Variants in C1QTNF5 observed in about 807,000 individuals in gnomAD.
C1QTNF5 encodes complement C1q tumor necrosis factor-related protein 5.
In C1QTNF5, 5 loss-of-function variants were observed where a neutral mutation model predicts 10.9. That is an observed-to-expected ratio of 0.46 (90% CI 0.24 to 0.97). The LOEUF is 0.97. Ranked by LOEUF, C1QTNF5 falls within the 50% of genes least tolerant of loss-of-function variation. C1QTNF5 has a pLI of 0.19. For synonymous variants in C1QTNF5, 161 were observed against 156.5 expected (o/e 1.03, Z -0.22); for missense variants, 281 against 339.4 (o/e 0.83, Z 1.35).
upstream of C1QTNF5, chr11:119,344,795 C>T: frequency 6.2e-7 from 1 of 1,613,734 alleles, no homozygotes; most frequent in Non-Finnish European, 8.5e-7. Context: ...GGCCCGGAGT[C>T]TCCACCCCTT....
upstream of C1QTNF5, chr11:119,341,647 G>C (rs1419850621): frequency 6.2e-7 from 1 of 1,612,906 alleles, no homozygotes; most frequent in East Asian, 2.2e-5. Flanking sequence ...ACTGGCACTG[G>C]TGCTCCGCTT....
At chr11:119,344,638 A>G (rs1950540699), upstream of C1QTNF5, 2 of 1,613,896 alleles carry the variant, frequency 1.2e-6, no homozygotes, top group Non-Finnish European at 1.7e-6. Context: ...GTACCCGAGA[A>G]CTTGGCACTG....
chr11:119,341,675 C>T, upstream of C1QTNF5: 1 of 1,613,092 alleles, frequency 6.2e-7, no homozygotes, highest in Non-Finnish European at 8.5e-7. Context: ...GACAGAGCGG[C>T]AAGGGGGCAG....
chr11:119,346,215 T>C, the C1QTNF5 span: 1 of 1,568,928 alleles, frequency 6.4e-7, no homozygotes, highest in Non-Finnish European at 8.7e-7. Flanking sequence ...TTCCTCATGC[T>C]GTCCTTGGCT....
chr11:119,342,240 G>A (rs77169049), upstream of C1QTNF5, among the ~76,000 whole-genome samples: 517 of 152,308 alleles, frequency 3.4e-3, 6 homozygotes, highest in African/African-American at 0.012. Context: ...TGGGGCACCC[G>A]CGTTTGCAGG....
upstream of C1QTNF5, chr11:119,344,954 A>G: frequency 1.2e-6 from 2 of 1,610,018 alleles, no homozygotes; most frequent in Non-Finnish European, 1.7e-6. Flanking sequence ...GACCACCAGG[A>G]GGTGGCTGGC....
At chr11:119,343,932 T>C (rs762880760), upstream of C1QTNF5, 5 of 1,613,680 alleles carry the variant, frequency 3.1e-6, no homozygotes. Flanking sequence ...CTATGCTGTG[T>C]CCGGCAGGCA....
At chr11:119,346,694 C>T in the C1QTNF5 span, 8 of 672,938 alleles carry the variant, frequency 1.2e-5, no homozygotes, top group Non-Finnish European at 2.2e-5. Flanking sequence ...ATGGGCTACT[C>T]TGTCTCTGTG....
chr11:119,344,260 G>T (rs1565294298), upstream of C1QTNF5: 1 of 1,513,544 alleles, frequency 6.6e-7, no homozygotes, highest in Non-Finnish European at 9.2e-7. Flanking sequence ...ACTAACTTGG[G>T]GATCAGGTGC....
chr11:119,345,567 G>T (rs369566448), upstream of C1QTNF5: 1 of 1,614,048 alleles, frequency 6.2e-7, no homozygotes, highest in Non-Finnish European at 8.5e-7. Flanking sequence ...GGTGTTGGGG[G>T]GGTAAGGGTC....
upstream of C1QTNF5, chr11:119,345,828 T>C (rs760853152): frequency 6.8e-6 from 11 of 1,613,774 alleles, no homozygotes; most frequent in East Asian, 2.5e-4. Flanking sequence ...GGGTCCCAGC[T>C]GCCTGAGAGG....
Position 119,339,080 on chromosome 11 carries a change from G to GACTT in C1QTNF5, c.*247_*250dup, listed in dbSNP as rs1386023426. On this transcript the variant is annotated 3_prime_UTR_variant, in exon 3 of 3. Transcript: ENST00000528368. The surrounding 1 kb of genome is among the most constrained non-coding windows in gnomAD (Gnocchi z 5.4). ...GGCTCCTGGACCAGAGCAACTGGGG[G>GACTT]ACTTACACTTGCCAGCACAGCACAC... 2.0e-6 allele frequency: 1 copy of GACTT among 491,240 alleles called. No individual in the cohort carries two copies. The highest frequency in any genetic ancestry group is 1.9e-5 in the African/African-American group (1 of 52,114). The allele number at this position is 491,240 out of a possible 1,614,324, so 30.4% of individuals were successfully genotyped here.
upstream of C1QTNF5, chr11:119,344,857 G>A: frequency 6.2e-7 from 1 of 1,613,410 alleles, no homozygotes; most frequent in Non-Finnish European, 8.5e-7. Flanking sequence ...TCAACAGGCA[G>A]GTGGGAACAC....
chr11:119,345,061 G>C (rs954241305), upstream of C1QTNF5: 25 of 1,575,528 alleles, frequency 1.6e-5, no homozygotes, highest in Non-Finnish European at 1.7e-5. Context: ...CAGCCAGAGA[G>C]GAGCTTGCCT....
upstream of C1QTNF5, chr11:119,344,928 T>C (rs1295144314): frequency 6.2e-7 from 1 of 1,611,676 alleles, no homozygotes; most frequent in Non-Finnish European, 8.5e-7. Context: ...CCTTCCACAC[T>C]GCTGTCAGAG....
chr11:119,344,614 C>G (rs747092151), upstream of C1QTNF5: 64 of 1,613,826 alleles, frequency 4.0e-5, no homozygotes, highest in Non-Finnish European at 5.0e-5. Flanking sequence ...AGAGAGGACC[C>G]CCATGCCTGG....
rs949535828 is a variant in C1QTNF5, at chr11:119,340,559, G to T, written c.-43-119C>A. On this transcript the variant is annotated intron_variant, in intron 1 of 2. Coordinates refer to ENST00000528368, the MANE Select transcript of C1QTNF5 (RefSeq NM_001278431.2). Reference sequence around the variant, plus strand: ...GCCGTGCCCCTGAGGCTGAGCGCTCGCAGGGCCGAGCATCCGGAGAGCACA... The same window carrying T: ...GCCGTGCCCCTGAGGCTGAGCGCTCTCAGGGCCGAGCATCCGGAGAGCACA... 3 of 703,722 alleles carry T rather than the reference G, an allele frequency of 4.3e-6. No individual in the cohort carries two copies. The East Asian group carries it at 9.4e-5, about 22-fold the overall frequency. The allele number at this position is 703,722 out of a possible 1,614,324, so 43.6% of individuals were successfully genotyped here.
upstream of C1QTNF5, chr11:119,342,742 G>A: frequency 1.9e-6 from 3 of 1,613,502 alleles, no homozygotes; most frequent in Non-Finnish European, 2.5e-6. Context: ...AGGCACAAGG[G>A]GCATGGCAGT....
At chr11:119,345,678 T>C (rs1392578141), upstream of C1QTNF5, 1 of 1,611,800 alleles carries the variant, frequency 6.2e-7, no homozygotes, top group Non-Finnish European at 8.5e-7. Context: ...AGGAGTGAGG[T>C]CCTTTATTCT....
Sources: allele counts gnomAD v4.1 joint callset (sites outside exome capture counted in the v4.1 genomes callset), GRCh38; gene constraint gnomAD v4.1.1; non-coding constraint Gnocchi (gnomAD v3.1); transcripts MANE v1.5; gene names NCBI Gene and HGNC (gene_info 2026-07-23, HGNC 2026-07-21).